The following DEFA6 variants were observed in gnomAD, a reference collection of about 807,000 sequenced individuals.
The protein encoded by DEFA6 is defensin alpha 6.
In DEFA6, 8 loss-of-function variants were observed where a neutral mutation model predicts 5.1. The ratio of observed to expected loss-of-function variants is 1.57; its 90% confidence interval spans 0.92 to 2.83. The LOEUF (loss-of-function observed/expected upper bound fraction) is 2.83, where lower values mean the gene tolerates loss of function less well. Ranked by LOEUF, DEFA6 falls within the 30% of genes most tolerant of loss-of-function variation. The pLI is 0.00. For missense variants in DEFA6, 191 were observed against 119.1 expected (o/e 1.60, Z -2.81); for synonymous variants, 74 against 45.3 (o/e 1.63, Z -2.54).
chr8:6,925,320 A>C (rs1808393671), intron 1 of DEFA6, among the ~76,000 whole-genome samples: 1 of 151,954 alleles, frequency 6.6e-6, no homozygotes. Flanking sequence ...GGAGTTCAAG[A>C]CTAGCCTGGC....
In DEFA6 at chr8:6,924,932, G is replaced by T. The variant is rs769315660; in HGVS notation, c.194-5C>A. The T allele has an allele frequency of 9.4e-6, 15 of 1,593,830 alleles. No individual in the cohort carries two copies. The highest frequency in any genetic ancestry group is 1.7e-5 in the Admixed American group (1 of 59,704). On this transcript the variant is annotated splice_region_variant and splice_polypyrimidine_tract_variant and intron_variant, in intron 1 of 1. Transcript: ENST00000297436. ...AAGTGAAAGCCCTTGTTGAGCCTGG[G>T]GACAGAGAGAGAGAGCATCAGAAAT... is the stretch of plus-strand genomic sequence containing the variant.
Position 6,926,008 on chromosome 8 carries a change from C to G in DEFA6, c.28G>C (p.Val10Leu). ...TTGGCCTGGAGGGCCACGAGGAGAA[C>G]AGCAGTGAGGATGGTGAGGGTTCTC... MRTLTILTA[V>L]LLVALQAKAE... The change falls in exon 1 of 2, where the codon GTT (valine) becomes CTT (leucine). Residue 10 changes from valine (V) to leucine (L), a missense_variant. Val to Leu is a conservative substitution (Grantham distance 32). Coordinates refer to ENST00000297436, the MANE Select transcript of DEFA6 (RefSeq NM_001926.4). 1 of 1,612,556 alleles carries G rather than the reference C, an allele frequency of 6.2e-7. No individual in the cohort carries two copies. The highest frequency in any genetic ancestry group is 8.5e-7 in the Non-Finnish European group (1 of 1,179,472).
At chr8:6,925,480 T>G (rs1290934828) in intron 1 of DEFA6, among the ~76,000 whole-genome samples, 1 of 152,172 alleles carries the variant, frequency 6.6e-6, no homozygotes, top group Admixed American at 6.5e-5. Context: ...TGATCTGAGA[T>G]AGTGCCACTG....
chr8:6,924,756 A>G lies in DEFA6; in HGVS notation c.*62T>C, dbSNP rs765671754. Reference sequence around the variant, plus strand: ...AAGTTGATGGCAATGTATAGGACACACGACAGTTTCCTTCTAGGTCATAAA... The same window carrying G: ...AAGTTGATGGCAATGTATAGGACACGCGACAGTTTCCTTCTAGGTCATAAA... On this transcript the variant is annotated 3_prime_UTR_variant, in exon 2 of 2. Coordinates refer to ENST00000297436, the MANE Select transcript of DEFA6 (RefSeq NM_001926.4). 10 of 1,199,416 alleles carry G rather than the reference A, an allele frequency of 8.3e-6. No homozygotes were observed. The highest frequency in any genetic ancestry group is 1.2e-5 in the Non-Finnish European group (10 of 828,816). The allele number at this position is 1,199,416 out of a possible 1,614,324, so 74.3% of individuals were successfully genotyped here. A position where few individuals can be genotyped will look rare whatever the true frequency, so the allele number is the denominator to read the frequency against.
chr8:6,925,771 G>C, intron 1 of DEFA6, 72 bp downstream of exon 1: 1 of 1,373,820 alleles, frequency 7.3e-7, no homozygotes, highest in South Asian at 1.5e-5. Flanking sequence ...AGAGCCAGCT[G>C]TTGGATCTAA....
intron 1 of DEFA6, 72 bp downstream of exon 1, chr8:6,925,770 TG>T: frequency 7.5e-7 from 1 of 1,341,474 alleles, no homozygotes; most frequent in Non-Finnish European, 1.0e-6. Flanking sequence ...AAGAGCCAGC[TG>T]TTGGATCTAA....
rs941815230 is a variant in DEFA6 at position 6,925,938 on chromosome 8, G to A, written c.98C>T (p.Ala33Val). Residue 33 changes from alanine (A) to valine (V), a missense_variant, in exon 1 of 2, where the codon GCT becomes GTT. By Grantham distance (64) the Ala-to-Val change is moderately conservative. Coordinates refer to ENST00000297436, the MANE Select transcript of DEFA6 (RefSeq NM_001926.4). ...CTGCTCCTGGGCATCAGCCTCATAAGCTTTTGCCTGCAGTGGATCATCCTC... is the reference window on the plus strand; with the variant it reads ...CTGCTCCTGGGCATCAGCCTCATAAACTTTTGCCTGCAGTGGATCATCCTC... ...QAEDDPLQAKAYEADAQEQRG... is the reference protein window; with the variant it reads ...QAEDDPLQAKVYEADAQEQRG... 2 of 1,613,952 alleles carry A rather than the reference G, an allele frequency of 1.2e-6. No homozygotes were observed. Among genetic ancestry groups the A allele is most frequent in the African/African-American group, 1.3e-5 (1 of 74,940 alleles).
In DEFA6 at chr8:6,924,911, G is replaced by A. The variant is rs1002623522; in HGVS notation, c.210C>T (p.Phe70=). 1 of 1,608,526 alleles carries A rather than the reference G, an allele frequency of 6.2e-7. No homozygotes were observed. The highest frequency in any genetic ancestry group is 8.5e-7 in the Non-Finnish European group (1 of 1,175,528). ...AACAGGACCTTCTGCAATGGCAAGT[G>A]AAAGCCCTTGTTGAGCCTGGGGACA... The part of the protein sequence containing the change: ...SLRALGSTRA[F]TCHCRRSCYS... Residue 70 remains phenylalanine, a synonymous_variant, in exon 2 of 2, where the codon TTC becomes TTT. Coordinates refer to ENST00000297436, the MANE Select transcript of DEFA6 (RefSeq NM_001926.4).
intron 1 of DEFA6, among the ~76,000 whole-genome samples, chr8:6,925,386 G>A (rs1009528502): frequency 9.2e-5 from 14 of 152,072 alleles, no homozygotes; most frequent in Non-Finnish European, 1.6e-4. Context: ...AATTTAGCCA[G>A]GCTTGGTGTC....
chr8:6,925,697 G>A (rs553361579), intron 1 of DEFA6, 146 bp downstream of exon 1: 118 of 562,710 alleles, frequency 2.1e-4, no homozygotes, highest in Non-Finnish European at 3.1e-4. Context: ...GAATATCACT[G>A]ATTCTTCCTT....
intron 1 of DEFA6, among the ~76,000 whole-genome samples, chr8:6,925,442 G>T (rs951648936): frequency 6.6e-6 from 1 of 152,098 alleles, no homozygotes; most frequent in African/African-American, 2.4e-5. Flanking sequence ...GGAGAGAATT[G>T]CGTGAACCCA....
chr8:6,925,800 T>C, intron 1 of DEFA6, 43 bp downstream of exon 1: 1 of 1,525,956 alleles, frequency 6.6e-7, no homozygotes. Context: ...GTGCTTGGTT[T>C]TCCTCTCTAC....
At chr8:6,924,964 C>T (rs374916917) in intron 1 of DEFA6, 37 bp from the exon 2 acceptor site, 6 of 1,415,332 alleles carry the variant, frequency 4.2e-6, no homozygotes, top group Admixed American at 1.7e-5. Context: ...AAATTGAGCA[C>T]CAGGGTCAGC....
intron 1 of DEFA6, among the ~76,000 whole-genome samples, chr8:6,925,184 G>C (rs1201525695): frequency 6.6e-6 from 1 of 152,154 alleles, no homozygotes; most frequent in Non-Finnish European, 1.5e-5. Context: ...CCATATGACT[G>C]TCTCCAGTTT....
chr8:6,925,939 C>G lies in DEFA6; in HGVS notation c.97G>C (p.Ala33Pro), dbSNP rs765041662. ...TGCTCCTGGGCATCAGCCTCATAAG[C>G]TTTTGCCTGCAGTGGATCATCCTCA... ...QAEDDPLQAK[A>P]YEADAQEQRG... is the part of the protein sequence containing the mutation. Residue 33 changes from alanine (A) to proline (P), a missense_variant, in exon 1 of 2, where the codon GCT (alanine) becomes CCT (proline). Ala to Pro is a conservative substitution (Grantham distance 27). Transcript: ENST00000297436. 11 of 1,614,090 alleles carry G rather than the reference C, an allele frequency of 6.8e-6. No homozygotes were observed. The highest frequency in any genetic ancestry group is 1.7e-5 in the Admixed American group (1 of 60,024).
chr8:6,925,751 C>G, intron 1 of DEFA6, 92 bp downstream of exon 1: 1 of 1,153,718 alleles, frequency 8.7e-7, no homozygotes, highest in Non-Finnish European at 1.2e-6. Flanking sequence ...GAGGTGATCA[C>G]CTAAGAGAAA....
In DEFA6 at chr8:6,925,981, C is replaced by G; in HGVS notation, c.55G>C (p.Ala19Pro). 1 of 1,613,718 alleles carries G rather than the reference C, an allele frequency of 6.2e-7. No individual in the cohort carries two copies. The highest frequency in any genetic ancestry group is 1.3e-5 in the African/African-American group (1 of 75,060). ...AVLLVALQAK[A>P]EPLQAEDDPL... is the part of the protein sequence containing the mutation. ...TCATCCTCAGCTTGGAGTGGCTCAG[C>G]CTTGGCCTGGAGGGCCACGAGGAGA... Residue 19 changes from alanine to proline, a missense_variant, in exon 1 of 2, where the codon GCT becomes CCT. Physicochemically the swap from Ala to Pro is conservative, Grantham distance 27. Transcript: ENST00000297436.
chr8:6,924,977 C>G (rs186037043), intron 1 of DEFA6, 50 bp from the exon 2 acceptor site: 1 of 1,280,024 alleles, frequency 7.8e-7, no homozygotes, highest in East Asian at 2.3e-5. Context: ...GGGTCAGCAG[C>G]GGGCAGTAAA....
chr8:6,925,432 G>T (rs960454102), intron 1 of DEFA6, among the ~76,000 whole-genome samples: 1 of 152,114 alleles, frequency 6.6e-6, no homozygotes, highest in African/African-American at 2.4e-5. Context: ...GGAGGCTGAG[G>T]GAGAGAATTG....
Sources: gnomAD v4.1 joint callset for allele counts (sites outside exome capture counted in the v4.1 genomes callset) on GRCh38, gnomAD v4.1.1 for gene constraint, MANE v1.5 for transcripts, NCBI Gene and HGNC (gene_info 2026-07-23, HGNC 2026-07-21) for gene names.